The following TCF3 variants were observed in gnomAD, a reference collection of about 807,000 sequenced individuals.
The protein encoded by TCF3 is transcription factor E2-alpha.
A neutral mutation model predicts 72.3 loss-of-function variants in TCF3; 54 were observed. The ratio of observed to expected loss-of-function variants is 0.75; its 90% confidence interval spans 0.60 to 0.94. The LOEUF (loss-of-function observed/expected upper bound fraction) is 0.94. Among genes scored for constraint, TCF3 ranks in the 40% least tolerant of loss-of-function variants. The pLI, the probability that TCF3 is intolerant of heterozygous loss-of-function variation, is 0.00. For synonymous variants in TCF3, 525 were observed against 412.6 expected (o/e 1.27, Z -3.30); for missense variants, 1,078 against 934.4 (o/e 1.15, Z -2.00).
At position 1,630,133 on chromosome 19, in the gene TCF3, G is replaced by A. The variant is rs72618602; in HGVS notation, c.298+1905C>T. On this transcript the variant is annotated intron_variant, in intron 5 of 18. Transcript: ENST00000262965. ...GGCTCTGGGCATTGCTGGCCGGGCC[G>A]TGGGAACTGCCCACGTCAGCCCTGC... Among the ~76,000 whole-genome samples, 6,082 of 152,316 alleles carry A rather than the reference G, an allele frequency of 0.04. 559 individuals are homozygous for A. In the East Asian group the frequency reaches 0.4, roughly 10 times the overall value.
At chr19:1,633,809 G>A (rs573970158) in intron 3 of TCF3, among the ~76,000 whole-genome samples, 4 of 152,308 alleles carry the variant, frequency 2.6e-5, no homozygotes, top group East Asian at 1.9e-4. Context: ...TCCTGCACGT[G>A]GGCCCTGGTG....
rs2062309076 is a variant in TCF3 at position 1,622,085 on chromosome 19, GTGC to G, written c.788_790del (p.Ser263del). 4 of 1,604,358 alleles carry G rather than the reference GTGC, an allele frequency of 2.5e-6. No homozygotes were observed. The South Asian group carries it at 3.3e-5, about 13-fold the overall frequency. On this transcript the variant is annotated inframe_deletion, in exon 10 of 19. Coordinates refer to ENST00000262965, the MANE Select transcript of TCF3 (RefSeq NM_003200.5). ...CTCGTGCTGGTGCAGGCCACCAAACGTGCTGCTGCTTCCACTGCTGCCCACCGG... is the reference window on the plus strand; with the variant it reads ...CTCGTGCTGGTGCAGGCCACCAAACGTGCTGCTTCCACTGCTGCCCACCGG...
intron 3 of TCF3, among the ~76,000 whole-genome samples, chr19:1,638,224 CCTA>C (rs1459160641): frequency 1.1e-4 from 16 of 152,364 alleles, no homozygotes; most frequent in Admixed American, 7.2e-4. Flanking sequence ...TTACCCCTAC[CCTA>C]CAGATAAGGA....
rs2061462833 is a variant in TCF3, at chr19:1,615,545, G to A, written c.1587-25C>T. ...GCTATGGGGAGGGCGCCGGGAGGGGGCCAGAGGGAGACAGTGAGGTTGGGG... is the reference window on the plus strand; with the variant it reads ...GCTATGGGGAGGGCGCCGGGAGGGGACCAGAGGGAGACAGTGAGGTTGGGG... On this transcript the variant is annotated intron_variant, in intron 17 of 18. Coordinates refer to ENST00000262965, the MANE Select transcript of TCF3 (RefSeq NM_003200.5). The surrounding 1 kb of genome is among the most constrained non-coding windows in gnomAD (Gnocchi z 7.3). 2 of 1,604,996 alleles carry A rather than the reference G, an allele frequency of 1.2e-6. No homozygotes were observed. The highest frequency in any genetic ancestry group is 1.7e-6 in the Non-Finnish European group (2 of 1,179,782).
chr19:1,620,952 C>A lies in TCF3; in HGVS notation c.1093+16G>T, dbSNP rs949028526. 5 of 1,482,128 alleles carry A rather than the reference C, an allele frequency of 3.4e-6. No homozygotes were observed. Among genetic ancestry groups the A allele is most frequent in the South Asian group, 2.7e-5 (2 of 73,380 alleles). 91.8% of individuals were successfully genotyped at this position (1,482,128 alleles called of 1,614,324 possible). On this transcript the variant is annotated intron_variant, in intron 13 of 18. Transcript: ENST00000262965. ...CACAGACCTCAGCCTCCCCTCCCCC[C>A]AAAACCCTCACAGACCTGCCAGGCC...
In TCF3 at chr19:1,615,787, G is replaced by A. The variant is rs144425988; in HGVS notation, c.1485C>T (p.Ser495=). 235 of 1,580,520 alleles carry A rather than the reference G, an allele frequency of 1.5e-4. 1 individual carries two copies. In the African/African-American group the frequency reaches 1.9e-3, roughly 13 times the overall value. ...LGRAGATAAA[S]EIKREEKEDE... Reference sequence around the variant, plus strand: ...CCTCCTTCTCCTCCCGCTTGATCTCGCTGGCGGCCGCCGTGGCACCTGCTC... The same window carrying A: ...CCTCCTTCTCCTCCCGCTTGATCTCACTGGCGGCCGCCGTGGCACCTGCTC... The change falls in exon 17 of 19, where the codon AGC becomes AGT. Residue 495 remains serine, a synonymous_variant. Transcript: ENST00000262965. The surrounding 1 kb of genome is among the most constrained non-coding windows in gnomAD (Gnocchi z 7.3).
chr19:1,620,559 G>A (rs1052054461), intron 13 of TCF3, among the ~76,000 whole-genome samples: 1 of 152,216 alleles, frequency 6.6e-6, no homozygotes, highest in African/African-American at 2.4e-5. Context: ...TGCTAGGCAC[G>A]CCAATGTCCC....
chr19:1,635,261 T>C lies in TCF3; in HGVS notation c.146-2856A>G, dbSNP rs566529620. Among the ~76,000 whole-genome samples the C allele has an allele frequency of 3.1e-3, 472 of 152,170 alleles. 4 individuals are homozygous for C. The highest frequency in any genetic ancestry group is 0.011 in the African/African-American group (449 of 41,524). The stretch of plus-strand genomic sequence containing the variant: ...TGGGAGTCCTCCTCACCTTCCCTCC[T>C]CCCAAAGAACAGCAGCTTGCCCCAT... On this transcript the variant is annotated intron_variant, in intron 3 of 18. Transcript: ENST00000262965.
Position 1,651,466 on chromosome 19 carries a change from G to A in TCF3, c.-40+834C>T, listed in dbSNP as rs2067039396. 2.2e-5 allele frequency: 5 copies of A among 225,096 alleles called. No homozygotes were observed. The East Asian group carries it at 2.5e-4, about 11-fold the overall frequency. 13.9% of individuals were successfully genotyped at this position (225,096 alleles called of 1,614,324 possible). A position where few individuals can be genotyped will look rare whatever the true frequency, so the allele number is the denominator to read the frequency against. On this transcript the variant is annotated intron_variant, in intron 1 of 18. Coordinates refer to ENST00000262965, the MANE Select transcript of TCF3 (RefSeq NM_003200.5). ...GAAACTGACTTTTTTTGAGGACTAC[G>A]AAACCGCACTTTTTTGTGGGGTAGC...
intron 5 of TCF3, among the ~76,000 whole-genome samples, chr19:1,630,568 C>T (rs1220545323): frequency 6.6e-6 from 1 of 152,188 alleles, no homozygotes; most frequent in Non-Finnish European, 1.5e-5. Context: ...CACCTGGGCC[C>T]CGCAGCAGGT....
Position 1,611,605 on chromosome 19 carries a change from T to G in TCF3, c.*102A>C. Reference sequence around the variant, plus strand: ...GTTGGCTCGATGCTGACAACAGGTGTGTGAGGTGTGGATGTGGATGAAGCC... The same window carrying G: ...GTTGGCTCGATGCTGACAACAGGTGGGTGAGGTGTGGATGTGGATGAAGCC... On this transcript the variant is annotated 3_prime_UTR_variant, in exon 19 of 19. Transcript: ENST00000262965. 2 of 1,456,162 alleles carry G rather than the reference T, an allele frequency of 1.4e-6. No homozygotes were observed. Among genetic ancestry groups the G allele is most frequent in the Non-Finnish European group, 1.8e-6 (2 of 1,081,888 alleles). 90.2% of individuals were successfully genotyped at this position (1,456,162 alleles called of 1,614,324 possible).
chr19:1,636,980 T>C (rs1266172481), intron 3 of TCF3, among the ~76,000 whole-genome samples: 1 of 152,018 alleles, frequency 6.6e-6, no homozygotes, highest in Non-Finnish European at 1.5e-5. Context: ...GCACCTAAAG[T>C]GGCAGGACGT....
chr19:1,625,518 C>T, intron 7 of TCF3, 58 bp downstream of exon 7: 1 of 1,491,082 alleles, frequency 6.7e-7, no homozygotes, highest in Non-Finnish European at 8.9e-7. Context: ...AAGCCTCCTA[C>T]CTCCCTTTGC....
intron 2 of TCF3, among the ~76,000 whole-genome samples, chr19:1,647,492 G>A (rs1048168404): frequency 3.3e-5 from 5 of 152,212 alleles, no homozygotes; most frequent in African/African-American, 1.2e-4. Context: ...CCACTCCCTG[G>A]TCCTGCAGAA....
intron 7 of TCF3, among the ~76,000 whole-genome samples, chr19:1,625,111 A>G (rs1300784650): frequency 6.6e-6 from 1 of 152,248 alleles, no homozygotes; most frequent in Non-Finnish European, 1.5e-5. Flanking sequence ...CCTCCAGAGA[A>G]GCTGGGACCC....
intron 18 of TCF3, chr19:1,612,138 A>C: frequency 6.9e-7 from 1 of 1,443,856 alleles, no homozygotes; most frequent in Admixed American, 2.4e-5. Context: ...GCACAGGAGG[A>C]CCCCAGCATC....
chr19:1,635,582 C>G (rs1023900240), intron 3 of TCF3, among the ~76,000 whole-genome samples: 3 of 152,062 alleles, frequency 2.0e-5, no homozygotes, highest in Non-Finnish European at 4.4e-5. Flanking sequence ...CTGACGCCCC[C>G]AAAACACCCA....
At chr19:1,637,820 A>G (rs979257151) in intron 3 of TCF3, among the ~76,000 whole-genome samples, 1 of 152,080 alleles carries the variant, frequency 6.6e-6, no homozygotes, top group Non-Finnish European at 1.5e-5. Context: ...GAGGCAGGAG[A>G]ATGGCGCGAA....
At position 1,632,049 on chromosome 19, in the gene TCF3, G is replaced by A. The variant is rs531623553; in HGVS notation, c.287C>T (p.Pro96Leu). 7.9e-5 allele frequency: 128 copies of A among 1,613,196 alleles called. 1 individual carries two copies. In the South Asian group the frequency reaches 1.1e-3, roughly 14 times the overall value. The change falls in exon 5 of 19, where the codon CCG becomes CTG. Residue 96 changes from proline (P) to leucine (L), a missense_variant. Coordinates refer to ENST00000262965, the MANE Select transcript of TCF3 (RefSeq NM_003200.5). ...SSLSSSTFLG[P>L]GLGGKSGERG... is the part of the protein sequence containing the mutation. Reference sequence around the variant, plus strand: ...GGCCAGGCACTCACCTCCGAGTCCCGGTCCCAGGAATGTGGATGAAGAGAG... The same window carrying A: ...GGCCAGGCACTCACCTCCGAGTCCCAGTCCCAGGAATGTGGATGAAGAGAG...
Sources: gnomAD v4.1 joint callset for allele counts (sites outside exome capture counted in the v4.1 genomes callset) on GRCh38, gnomAD v4.1.1 for gene constraint, Gnocchi (gnomAD v3.1) non-coding constraint, MANE v1.5 for transcripts, NCBI Gene and HGNC (gene_info 2026-07-23, HGNC 2026-07-21) for gene names.